The following RGS18 variants were observed in gnomAD, a reference collection of about 807,000 sequenced individuals.
The protein encoded by RGS18 is regulator of G-protein signaling 18.
A neutral mutation model predicts 27.6 loss-of-function variants in RGS18; 22 were observed. That is an observed-to-expected ratio of 0.80 (90% CI 0.57 to 1.14). The LOEUF (loss-of-function observed/expected upper bound fraction) is 1.14, where lower values mean the gene tolerates loss of function less well. Ranked by LOEUF, RGS18 falls within the 50% of genes most tolerant of loss-of-function variation. The probability of loss-of-function intolerance (pLI) is 0.00; values close to 1 mark genes in which losing one functional copy is unlikely to be tolerated. For synonymous variants in RGS18, 89 were observed against 84.6 expected (o/e 1.05, Z -0.29); for missense variants, 299 against 269.6 (o/e 1.11, Z -0.76).
At chr1:192,177,745 A>G (rs1011280229) in intron 3 of RGS18, among the ~76,000 whole-genome samples, 4 of 151,752 alleles carry the variant, frequency 2.6e-5, no homozygotes, top group Non-Finnish European at 5.9e-5. Context: ...ATAGGAAGGG[A>G]AAAGTATTCT....
At chr1:192,169,632 GACT>G (rs1656221760) in intron 3 of RGS18, 1 of 152,066 alleles carries the variant, frequency 6.6e-6, no homozygotes, top group Non-Finnish European at 1.5e-5. Context: ...ATTTCCATAT[GACT>G]ACTTTTTGTT....
chr1:192,170,445 G>C (rs868623766), intron 3 of RGS18, among the ~76,000 whole-genome samples: 2 of 151,972 alleles, frequency 1.3e-5, no homozygotes, highest in Non-Finnish European at 2.9e-5. Flanking sequence ...TGATACACTG[G>C]CTTCCCCTTT....
At chr1:192,181,814 T>C (rs990186888) in intron 4 of RGS18, among the ~76,000 whole-genome samples, 1 of 151,634 alleles carries the variant, frequency 6.6e-6, no homozygotes, top group Non-Finnish European at 1.5e-5. Flanking sequence ...TATCTATCTC[T>C]GTACCTGTTG....
intron 1 of RGS18, 129 bp downstream of exon 1, chr1:192,158,885 A>T: frequency 1.4e-6 from 1 of 695,030 alleles, no homozygotes; most frequent in Non-Finnish European, 2.4e-6. Context: ...ATTTGGGAAA[A>T]AAAAACACCT....
Position 192,178,195 on chromosome 1 carries a change from G to A in RGS18, c.284-3097G>A, listed in dbSNP as rs532485046. Among the ~76,000 whole-genome samples, 50 of 151,654 alleles carry A rather than the reference G, an allele frequency of 3.3e-4. 3 individuals carry two copies. The South Asian group carries it at 7.1e-3, about 21-fold the overall frequency. ...CCTGAGAATAAATGCCAGGTTTCCC[G>A]TTTATATCCCTGAGTGGATAGCGTC... On this transcript the variant is annotated intron_variant, in intron 3 of 4. Coordinates refer to ENST00000367460, the MANE Select transcript of RGS18 (RefSeq NM_130782.3).
At chr1:192,162,561 G>A (rs951929432) in intron 3 of RGS18, among the ~76,000 whole-genome samples, 1 of 152,110 alleles carries the variant, frequency 6.6e-6, no homozygotes, top group Admixed American at 6.6e-5. Context: ...GGGATTACAG[G>A]CGTGAGTCAT....
At position 192,158,575 on chromosome 1, in the gene RGS18, G is replaced by A; in HGVS notation, c.-63G>A. On this transcript the variant is annotated 5_prime_UTR_variant, in exon 1 of 5. The change abolishes the stop of an existing upstream ORF in the 5' untranslated region. Coordinates refer to ENST00000367460, the MANE Select transcript of RGS18 (RefSeq NM_130782.3). ...TTCTACTATGTATATGTATGGAATA[G>A]TATTAATAAATGAACTAGGGAAGGA... is the stretch of plus-strand genomic sequence containing the variant. The A allele has an allele frequency of 2.9e-6, 4 of 1,385,612 alleles. No individual in the cohort carries two copies. 85.8% of individuals were successfully genotyped at this position (1,385,612 alleles called of 1,614,324 possible).
chr1:192,174,933 A>C (rs1211856666), intron 3 of RGS18, among the ~76,000 whole-genome samples: 1 of 151,630 alleles, frequency 6.6e-6, no homozygotes, highest in African/African-American at 2.4e-5. Context: ...ACATCTTACT[A>C]TTTATTTTCT....
intron 2 of RGS18, among the ~76,000 whole-genome samples, chr1:192,159,994 AT>A (rs988717215): frequency 1.2e-4 from 18 of 151,342 alleles, no homozygotes; most frequent in Non-Finnish European, 2.1e-4. Flanking sequence ...TTGCAGTATA[AT>A]TTTTTTTTAA....
chr1:192,174,833 T>C (rs996706444), intron 3 of RGS18, among the ~76,000 whole-genome samples: 1 of 151,878 alleles, frequency 6.6e-6, no homozygotes, highest in Admixed American at 6.6e-5. Context: ...TTTTACTTTT[T>C]AACCCAGTCA....
intron 3 of RGS18, chr1:192,168,088 ACTTTTGGCAGCTGCATTCACCACTGCTGC>A (rs1210100819): frequency 6.6e-6 from 1 of 152,170 alleles, no homozygotes; most frequent in Non-Finnish European, 1.5e-5. Context: ...TCTATCAAGC[ACTTTTGGCAGCTGCATTCACCACTGCTGC>A]CTTCTAAAGG....
intron 3 of RGS18, among the ~76,000 whole-genome samples, chr1:192,173,081 C>T (rs1304318316): frequency 6.6e-6 from 1 of 151,330 alleles, no homozygotes; most frequent in African/African-American, 2.4e-5. Context: ...TTAGTTATTA[C>T]CATACTTCTA....
chr1:192,182,044 A>C (rs1937235), intron 4 of RGS18, among the ~76,000 whole-genome samples: 66,767 of 151,312 alleles, frequency 0.44, 15,711 homozygotes, highest in East Asian at 0.71. Context: ...TTTTTTAATA[A>C]CTCAATAGTG....
intron 3 of RGS18, among the ~76,000 whole-genome samples, chr1:192,173,855 T>G (rs1656312047): frequency 6.6e-6 from 1 of 151,814 alleles, no homozygotes; most frequent in Admixed American, 6.6e-5. Context: ...CAGAACCAAC[T>G]TTGGCTTTGT....
chr1:192,163,292 T>C (rs777232843), intron 3 of RGS18: 3 of 152,172 alleles, frequency 2.0e-5, no homozygotes, highest in Non-Finnish European at 4.4e-5. Context: ...TAGTTACAAC[T>C]GGATGATGAT....
chr1:192,164,900 G>A (rs114112376), intron 3 of RGS18, among the ~76,000 whole-genome samples: 2,161 of 152,202 alleles, frequency 0.014, 28 homozygotes, highest in Middle Eastern at 0.051. Context: ...TAAATTGTTC[G>A]TAAAGCATGT....
chr1:192,181,466 A>T lies in RGS18; in HGVS notation c.450+8A>T, dbSNP rs1656454241. On this transcript the variant is annotated splice_region_variant and intron_variant, in intron 4 of 4. Transcript: ENST00000367460. ...ACTGATGCCCCAAAAGAGGTACAGT[A>T]AAGATAACTGTAAAAATGCATAATT... 1 of 1,499,352 alleles carries T rather than the reference A, an allele frequency of 6.7e-7. No individual in the cohort carries two copies. Among genetic ancestry groups the T allele is most frequent in the East Asian group, 2.5e-5 (1 of 39,554 alleles). 92.9% of individuals were successfully genotyped at this position (1,499,352 alleles called of 1,614,324 possible). A position where few individuals can be genotyped will look rare whatever the true frequency, so the allele number is the denominator to read the frequency against.
rs146332469 is a variant in RGS18, at chr1:192,172,744, C to T, written c.284-8548C>T. Among the ~76,000 whole-genome samples, 273 of 151,676 alleles carry T rather than the reference C, an allele frequency of 1.8e-3. 1 individual carries two copies. The highest frequency in any genetic ancestry group is 6.3e-3 in the African/African-American group (259 of 41,430). On this transcript the variant is annotated intron_variant, in intron 3 of 4. Transcript: ENST00000367460. ...ACCTGGATAATCTCCCCCATCTCAA[C>T]GTCCTGAACTATATTTAGTTCCTTT...
intron 3 of RGS18, among the ~76,000 whole-genome samples, chr1:192,165,775 TC>T (rs1344186360): frequency 6.6e-6 from 1 of 152,178 alleles, no homozygotes; most frequent in Non-Finnish European, 1.5e-5. Context: ...CACAATGAAG[TC>T]CATCAATAAT....
Sources: gnomAD v4.1 joint callset for allele counts (sites outside exome capture counted in the v4.1 genomes callset) on GRCh38, gnomAD v4.1.1 for gene constraint, MANE v1.5 for transcripts, NCBI Gene and HGNC (gene_info 2026-07-23, HGNC 2026-07-21) for gene names.